SAMD4A: variants seen among roughly 807,000 people sequenced by gnomAD.
The protein encoded by SAMD4A is protein Smaug homolog 1.
In SAMD4A, 33 loss-of-function variants were observed where a neutral mutation model predicts 81.3. The observed-to-expected ratio is 0.41, with a 90% CI of 0.31 to 0.54. The LOEUF is 0.54. SAMD4A is among the 20% of genes least tolerant of loss of function. The pLI, the probability that SAMD4A is intolerant of heterozygous loss-of-function variation, is 0.37. For synonymous variants in SAMD4A, 389 were observed against 382.1 expected (o/e 1.02, Z -0.21); for missense variants, 854 against 951.1 (o/e 0.90, Z 1.34).
intron 2 of SAMD4A, among the ~76,000 whole-genome samples, chr14:54,633,675 T>G (rs775837805): frequency 6.6e-6 from 1 of 151,884 alleles, no homozygotes; most frequent in Non-Finnish European, 1.5e-5. Flanking sequence ...CAGGGAGAGA[T>G]AGGACTCAAG....
chr14:54,577,351 G>T (rs936487013), intron 2 of SAMD4A, among the ~76,000 whole-genome samples: 2 of 152,198 alleles, frequency 1.3e-5, no homozygotes, highest in Non-Finnish European at 2.9e-5. Context: ...GTGTGAAGCT[G>T]GGGGCCACAG....
rs546739650 is a variant in SAMD4A, at chr14:54,788,428, C to A, written c.2129-488C>A. ...CTCCAACGCACCCTCAGCTCCACCA[C>A]CGGATGACCTATCATCCCACCTATG... On this transcript the variant is annotated intron_variant, in intron 12 of 12. Transcript: ENST00000554335. Among the ~76,000 whole-genome samples the A allele has an allele frequency of 3.9e-4, 59 of 152,290 alleles. 1 individual carries two copies. Among genetic ancestry groups the A allele is most frequent in the African/African-American group, 1.2e-3 (51 of 41,550 alleles).
Position 54,637,791 on chromosome 14 carries a change from A to T in SAMD4A, c.197-64271A>T, listed in dbSNP as rs181699831. On this transcript the variant is annotated intron_variant, in intron 2 of 12. Coordinates refer to ENST00000554335, the MANE Select transcript of SAMD4A (RefSeq NM_015589.6). ...CCTATTTTGATACTAGTTACATTAAATCAGTCCTAAATGGCCTTTTGGAAT... is the reference window on the plus strand; with the variant it reads ...CCTATTTTGATACTAGTTACATTAATTCAGTCCTAAATGGCCTTTTGGAAT... 2.0e-5 allele frequency among the ~76,000 whole-genome samples: 3 copies of T among 152,340 alleles called. No individual in the cohort carries two copies. In the East Asian group the frequency reaches 5.8e-4, roughly 29 times the overall value.
At chr14:54,687,836 A>T in intron 2 of SAMD4A, 1 of 303,812 alleles carries the variant, frequency 3.3e-6, no homozygotes, top group Non-Finnish European at 4.8e-6. Flanking sequence ...GACATGTAAG[A>T]TAAGTGGAGG....
rs8014092 is a variant in SAMD4A, at chr14:54,788,792, A to C, written c.2129-124A>C. The C allele has an allele frequency of 0.011, 12,887 of 1,140,908 alleles. 1,008 individuals carry two copies. The African/African-American group carries it at 0.17, about 15-fold the overall frequency. The allele number at this position is 1,140,908 out of a possible 1,614,324, so 70.7% of individuals were successfully genotyped here. A position where few individuals can be genotyped will look rare whatever the true frequency, so the allele number is the denominator to read the frequency against. On this transcript the variant is annotated intron_variant, in intron 12 of 12. Coordinates refer to ENST00000554335, the MANE Select transcript of SAMD4A (RefSeq NM_015589.6). ...GGGTATGTAAATGCGTGAACACATG[A>C]ACGTAGGTGCCCTTCTCTGCCCTCA...
At chr14:54,754,502 G>A (rs990425224) in intron 6 of SAMD4A, among the ~76,000 whole-genome samples, 1 of 152,106 alleles carries the variant, frequency 6.6e-6, no homozygotes, top group Non-Finnish European at 1.5e-5. Flanking sequence ...GGGGTGGGAG[G>A]CAGTCTCTCT....
At chr14:54,636,276 C>T (rs947939635) in intron 2 of SAMD4A, among the ~76,000 whole-genome samples, 9 of 151,936 alleles carry the variant, frequency 5.9e-5, no homozygotes, top group South Asian at 2.1e-4. Context: ...TTGGGATGTA[C>T]GAGGAGGCTG....
intron 2 of SAMD4A, among the ~76,000 whole-genome samples, chr14:54,649,940 T>A (rs1210368631): frequency 1.3e-5 from 2 of 152,218 alleles, no homozygotes; most frequent in African/African-American, 4.8e-5. Flanking sequence ...CTTAGTCTAC[T>A]TAGACTTTTA....
chr14:54,612,715 A>T (rs898173259), intron 2 of SAMD4A, among the ~76,000 whole-genome samples: 2 of 152,302 alleles, frequency 1.3e-5, no homozygotes, highest in South Asian at 2.1e-4. Flanking sequence ...ACCCACCCTC[A>T]TCCATCTGCG....
At chr14:54,635,379 C>T (rs2035011308) in intron 2 of SAMD4A, among the ~76,000 whole-genome samples, 1 of 150,526 alleles carries the variant, frequency 6.6e-6, no homozygotes, top group African/African-American at 2.5e-5. Context: ...GAGCTGAGAT[C>T]ACGCCATTGC....
rs567196425 is a variant in SAMD4A at position 54,725,606 on chromosome 14, T to C, written c.716-11418T>C. ...GCATGAATGTCATTAGATTAGCTAG[T>C]ACTTTTGAGATGATTTTTCCATTAG... On this transcript the variant is annotated intron_variant, in intron 3 of 12. Transcript: ENST00000554335. Among the ~76,000 whole-genome samples, 36 of 152,366 alleles carry C rather than the reference T, an allele frequency of 2.4e-4. 1 individual carries two copies. In the South Asian group the frequency reaches 7.5e-3, roughly 32 times the overall value.
At chr14:54,748,109 A>G (rs2038012082) in intron 4 of SAMD4A, among the ~76,000 whole-genome samples, 1 of 152,208 alleles carries the variant, frequency 6.6e-6, no homozygotes, top group South Asian at 2.1e-4. Context: ...AATCAAGTAA[A>G]AAGTCAAAGA....
At chr14:54,694,634 G>A (rs1185338679) in intron 2 of SAMD4A, 1 of 985,594 alleles carries the variant, frequency 1.0e-6, no homozygotes, top group Non-Finnish European at 1.2e-6. Context: ...TGGGCCAGAG[G>A]TCAGAACCGA....
At chr14:54,702,625 T>G (rs2036748436) in intron 3 of SAMD4A, 45 bp downstream of exon 3, 6 of 1,593,842 alleles carry the variant, frequency 3.8e-6, no homozygotes. Context: ...TTTGGCGATT[T>G]GCTGTGTATG....
At chr14:54,634,679 T>A (rs1479385351) in intron 2 of SAMD4A, among the ~76,000 whole-genome samples, 1 of 152,126 alleles carries the variant, frequency 6.6e-6, no homozygotes. Context: ...CCAGTACCGG[T>A]CTGTGTCCCA....
chr14:54,727,314 C>T (rs4901532), intron 3 of SAMD4A, among the ~76,000 whole-genome samples: 60,254 of 150,584 alleles, frequency 0.4, 14,312 homozygotes, highest in Non-Finnish European at 0.55. Context: ...CTCAGCCCCC[C>T]GAGTAGCTAG....
intron 3 of SAMD4A, 121 bp downstream of exon 3, chr14:54,702,701 G>C: frequency 1.6e-6 from 2 of 1,227,040 alleles, no homozygotes; most frequent in South Asian, 2.8e-5. Flanking sequence ...GGACTGATTG[G>C]AATTGGCTGT....
In SAMD4A at chr14:54,737,251, C is replaced by G. The variant is rs770108966; in HGVS notation, c.943C>G (p.Arg315Gly). 3 of 1,613,916 alleles carry G rather than the reference C, an allele frequency of 1.9e-6. No individual in the cohort carries two copies. The highest frequency in any genetic ancestry group is 2.5e-6 in the Non-Finnish European group (3 of 1,180,020). Residue 315 changes from arginine to glycine, a missense_variant, in exon 4 of 13, where the codon CGT becomes GGT. By Grantham distance (125) the Arg-to-Gly change is moderately radical (BLOSUM62 -2). Transcript: ENST00000554335. ...ACACTTAGAAGATCAGACCACTGCT[C>G]GTAACACATTCCAAGAAGAAGGTAG... ...SEHLEDQTTA[R>G]NTFQEEGSGM...
At chr14:54,775,237 G>T (rs1453407291) in intron 10 of SAMD4A, 102 bp downstream of exon 10, 2 of 1,311,444 alleles carry the variant, frequency 1.5e-6, no homozygotes, top group Non-Finnish European at 2.2e-6. Flanking sequence ...GGCCAAAGGG[G>T]ACTATGCTGG....
Sources: gnomAD v4.1 joint callset for allele counts (sites outside exome capture counted in the v4.1 genomes callset) on GRCh38, gnomAD v4.1.1 for gene constraint, MANE v1.5 for transcripts, NCBI Gene and HGNC (gene_info 2026-07-23, HGNC 2026-07-21) for gene names.